The following CRYBG1 variants were observed in gnomAD, a reference collection of about 807,000 sequenced individuals.
The protein encoded by CRYBG1 is beta/gamma crystallin domain-containing protein 1.
In CRYBG1, 139 loss-of-function variants were observed where a neutral mutation model predicts 189.2. The observed-to-expected ratio is 0.73, with a 90% CI of 0.64 to 0.85. The LOEUF is 0.85. Ranked by LOEUF, CRYBG1 falls within the 40% of genes least tolerant of loss-of-function variation. The pLI, the probability that CRYBG1 is intolerant of heterozygous loss-of-function variation, is 0.00. For missense variants in CRYBG1, 2,611 were observed against 2,675.8 expected (o/e 0.98, Z 0.53); for synonymous variants, 1,023 against 1,017.1 (o/e 1.01, Z -0.11).
intron 1 of CRYBG1, among the ~76,000 whole-genome samples, chr6:106,385,161 C>T (rs939899453): frequency 1.3e-5 from 2 of 152,098 alleles, no homozygotes; most frequent in Admixed American, 6.6e-5. Flanking sequence ...TGAAACAGCT[C>T]TCATAACAAA....
chr6:106,425,928 G>C (rs890107387), intron 1 of CRYBG1, among the ~76,000 whole-genome samples: 1 of 152,070 alleles, frequency 6.6e-6, no homozygotes, highest in Non-Finnish European at 1.5e-5. Flanking sequence ...GTGAGCCACC[G>C]CTCCCAGCCA....
intron 18 of CRYBG1, 101 bp from the exon 19 acceptor site, chr6:106,560,702 T>C (rs2114597425): frequency 2.0e-5 from 27 of 1,345,260 alleles, no homozygotes; most frequent in Non-Finnish European, 2.6e-5. Context: ...GTTAAAAGTA[T>C]ATAGTTCAGT....
At chr6:106,397,188 A>C (rs1770629966) in intron 1 of CRYBG1, among the ~76,000 whole-genome samples, 1 of 152,258 alleles carries the variant, frequency 6.6e-6, no homozygotes, top group Non-Finnish European at 1.5e-5. Context: ...TGGTGTTTTG[A>C]TACAAGTATA....
intron 2 of CRYBG1, among the ~76,000 whole-genome samples, chr6:106,457,940 T>C (rs1276719365): frequency 2.0e-5 from 3 of 152,218 alleles, no homozygotes; most frequent in Non-Finnish European, 4.4e-5. Context: ...TGTATACATA[T>C]ATATGTAGAT....
At chr6:106,414,138 G>A (rs1015711861) in intron 1 of CRYBG1, among the ~76,000 whole-genome samples, 8 of 152,262 alleles carry the variant, frequency 5.3e-5, no homozygotes, top group African/African-American at 1.7e-4. Flanking sequence ...TCTGTTGTGC[G>A]AGCCCCTTTT....
In CRYBG1 at chr6:106,519,914, A is replaced by G; in HGVS notation, c.2706A>G (p.Leu902=). The part of the protein sequence containing the change: ...SPISSFPCTD[L]KVSENHKGCV... ...TAAGCAGTTTCCCATGCACTGATCT[A>G]AAAGTGTCAGAAAACCATAAAGGAT... Residue 902 remains leucine, a synonymous_variant, in exon 4 of 22, where the codon CTA becomes CTG. Transcript: ENST00000633556. 6.2e-7 allele frequency: 1 copy of G among 1,614,182 alleles called. No homozygotes were observed. Among genetic ancestry groups the G allele is most frequent in the Non-Finnish European group, 8.5e-7 (1 of 1,180,020 alleles).
intron 1 of CRYBG1, among the ~76,000 whole-genome samples, chr6:106,440,742 A>G (rs1382865224): frequency 1.3e-5 from 2 of 152,236 alleles, no homozygotes. Flanking sequence ...AACATGTGGT[A>G]ACAACAAAAG....
In CRYBG1 at chr6:106,374,488, T is replaced by C. The variant is rs542009478; in HGVS notation, c.173+13407T>C. Among the ~76,000 whole-genome samples the C allele has an allele frequency of 7.2e-5, 11 of 152,216 alleles. No individual in the cohort carries two copies. In the South Asian group the frequency reaches 2.3e-3, roughly 32 times the overall value. ...TGGGAGGGTTGCTTGAGGCCAAAAGTTCAAGGCTGCAGTGAGCTATGATTG... is the reference window on the plus strand; with the variant it reads ...TGGGAGGGTTGCTTGAGGCCAAAAGCTCAAGGCTGCAGTGAGCTATGATTG... On this transcript the variant is annotated intron_variant, in intron 1 of 21. Coordinates refer to ENST00000633556, the MANE Select transcript of CRYBG1 (RefSeq NM_001371242.2).
chr6:106,554,411 C>T (rs1011829120), intron 16 of CRYBG1, among the ~76,000 whole-genome samples: 3 of 152,098 alleles, frequency 2.0e-5, no homozygotes, highest in Admixed American at 1.3e-4. Context: ...GTCAGGAGAT[C>T]GAGACCAGCC....
chr6:106,466,310 A>G (rs1345498664), intron 2 of CRYBG1, among the ~76,000 whole-genome samples: 1 of 152,248 alleles, frequency 6.6e-6, no homozygotes, highest in Non-Finnish European at 1.5e-5. Context: ...GTCAAAGTAT[A>G]TAAATAAGGA....
intron 3 of CRYBG1, 31 bp downstream of exon 3, chr6:106,513,070 G>GCTGTC (rs1562097111): frequency 6.3e-7 from 1 of 1,581,870 alleles, no homozygotes. Context: ...CGGCCGAGTT[G>GCTGTC]CTGTCCGCAC....
intron 2 of CRYBG1, among the ~76,000 whole-genome samples, chr6:106,493,132 A>G (rs543875559): frequency 1.3e-5 from 2 of 152,324 alleles, no homozygotes; most frequent in African/African-American, 4.8e-5. Flanking sequence ...AAAATTAGAT[A>G]TCACTATCTT....
chr6:106,417,771 A>G (rs1771052646), intron 1 of CRYBG1, among the ~76,000 whole-genome samples: 1 of 152,266 alleles, frequency 6.6e-6, no homozygotes, highest in Non-Finnish European at 1.5e-5. Context: ...CACAGGAGTA[A>G]GCTCCATGTG....
chr6:106,534,471 T>C (rs2114560876), intron 8 of CRYBG1, among the ~76,000 whole-genome samples: 1 of 152,312 alleles, frequency 6.6e-6, no homozygotes. Context: ...GTTGAGAAGA[T>C]GTCACTGATA....
chr6:106,429,236 G>A (rs1295494216), intron 1 of CRYBG1, among the ~76,000 whole-genome samples: 1 of 152,184 alleles, frequency 6.6e-6, no homozygotes, highest in Non-Finnish European at 1.5e-5. Context: ...AGGATGACAT[G>A]TGCTTGAGTA....
rs11968933 is a variant in CRYBG1 at position 106,519,232 on chromosome 6, G to A, written c.2024G>A (p.Gly675Asp). 1.3e-3 allele frequency: 2,109 copies of A among 1,613,992 alleles called. 19 individuals carry two copies. Among genetic ancestry groups the A allele is most frequent in the South Asian group, 0.012 (1,078 of 91,076 alleles). The change falls in exon 4 of 22, where the codon GGC becomes GAC. Residue 675 changes from glycine (G) to aspartate (D), a missense_variant. This residue lies in a region of CRYBG1 where 4 missense variants were observed against 16.4 expected (regional missense o/e 0.24). Coordinates refer to ENST00000633556, the MANE Select transcript of CRYBG1 (RefSeq NM_001371242.2). The stretch of plus-strand genomic sequence containing the variant: ...CCATTTAGCCAGCCAGTTCACAAAG[G>A]CAACACTGCCACCAAAATCTCCTTA... ...HNPFSQPVHK[G>D]NTATKISLFE...
intron 1 of CRYBG1, among the ~76,000 whole-genome samples, chr6:106,442,034 T>C (rs539719586): frequency 5.9e-5 from 9 of 152,322 alleles, no homozygotes; most frequent in African/African-American, 1.9e-4. Context: ...TAAAGATTTA[T>C]AGACCACCAT....
At chr6:106,377,621 T>TTTATATATATATATA (rs1770195313) in intron 1 of CRYBG1, among the ~76,000 whole-genome samples, 1 of 69,456 alleles carries the variant, frequency 1.4e-5, no homozygotes, top group African/African-American at 3.6e-5. Flanking sequence ...TCCTAAGGTT[T>TTTATATATATATATA]TATATATATA....
At position 106,428,663 on chromosome 6, in the gene CRYBG1, A is replaced by G. The variant is rs149737790; in HGVS notation, c.174-23031A>G. Among the ~76,000 whole-genome samples the G allele has an allele frequency of 3.3e-5, 5 of 152,358 alleles. No homozygotes were observed. In the East Asian group the frequency reaches 9.6e-4, roughly 29 times the overall value. ...GAAAGTATCTTGCCTAAGGTGATACAGTTAGACACGGCAGAGTTGGCATTT... is the reference window on the plus strand; with the variant it reads ...GAAAGTATCTTGCCTAAGGTGATACGGTTAGACACGGCAGAGTTGGCATTT... On this transcript the variant is annotated intron_variant, in intron 1 of 21. Coordinates refer to ENST00000633556, the MANE Select transcript of CRYBG1 (RefSeq NM_001371242.2).
Sources: gnomAD v4.1 joint callset for allele counts (sites outside exome capture counted in the v4.1 genomes callset) on GRCh38, gnomAD v4.1.1 for gene constraint, gnomAD v4.1.1 regional missense constraint, MANE v1.5 for transcripts, NCBI Gene and HGNC (gene_info 2026-07-23, HGNC 2026-07-21) for gene names.